Variants in ATG14 observed in about 807,000 individuals in gnomAD.
ATG14 encodes the protein beclin 1-associated autophagy-related key regulator.
Under a neutral mutation model 60.4 loss-of-function variants are expected in ATG14, and 35 were observed. That is an observed-to-expected ratio of 0.58 (90% CI 0.44 to 0.77). The LOEUF is 0.77. Ranked by LOEUF, ATG14 falls within the 30% of genes least tolerant of loss-of-function variation. ATG14 has a pLI of 0.00. For synonymous variants in ATG14, 234 were observed against 228.8 expected (o/e 1.02, Z -0.21); for missense variants, 647 against 626.3 (o/e 1.03, Z -0.35).
Position 55,377,940 on chromosome 14 carries a change from C to T in ATG14, c.1087-36G>A, listed in dbSNP as rs550659701. On this transcript the variant is annotated intron_variant, in intron 8 of 9. Transcript: ENST00000247178. ...TTAAAGAATTGGTTAATATTTTCAA[C>T]TATTTAACAAAGTAAAAATTAGTTC... 87 of 1,592,982 alleles carry T rather than the reference C, an allele frequency of 5.5e-5. 1 individual carries two copies. Among genetic ancestry groups the T allele is most frequent in the South Asian group, 5.1e-4 (45 of 87,958 alleles).
intron 1 of ATG14, among the ~76,000 whole-genome samples, chr14:55,403,375 G>C (rs979131205): frequency 7.9e-5 from 12 of 152,078 alleles, no homozygotes; most frequent in African/African-American, 2.7e-4. Context: ...GGATAAGGCA[G>C]TTCTAACTAC....
Position 55,369,255 on chromosome 14 carries a change from C to T in ATG14, c.*364G>A, listed in dbSNP as rs1039179307. ...CTTAAAGTGTCAGGAACAGTCTCAG[C>T]ACCGCAAGGACCAGCACACTGACCC... On this transcript the variant is annotated 3_prime_UTR_variant, in exon 10 of 10. Coordinates refer to ENST00000247178, the MANE Select transcript of ATG14 (RefSeq NM_014924.5). 1 of 168,994 alleles carries T rather than the reference C, an allele frequency of 5.9e-6. No individual in the cohort carries two copies. The highest frequency in any genetic ancestry group is 1.3e-5 in the Non-Finnish European group (1 of 79,838). The allele number at this position is 168,994 out of a possible 1,614,324, so 10.5% of individuals were successfully genotyped here.
At chr14:55,383,298 C>A (rs112246340) in intron 5 of ATG14, among the ~76,000 whole-genome samples, 8,847 of 152,202 alleles carry the variant, frequency 0.058, 326 homozygotes, top group South Asian at 0.09. Flanking sequence ...TGCCTGTAAT[C>A]CCAGCACTTT....
intron 5 of ATG14, among the ~76,000 whole-genome samples, chr14:55,383,155 C>T (rs1024127100): frequency 2.0e-5 from 3 of 152,152 alleles, no homozygotes; most frequent in Admixed American, 6.5e-5. Context: ...GCCTTACGCA[C>T]GCGTCCCATG....
intron 7 of ATG14, among the ~76,000 whole-genome samples, chr14:55,380,204 C>T (rs759177446): frequency 4.6e-5 from 7 of 151,986 alleles, no homozygotes; most frequent in East Asian, 1.9e-4. Context: ...GCAGAGATTG[C>T]GCCACTGCAC....
intron 1 of ATG14, among the ~76,000 whole-genome samples, chr14:55,407,648 T>C (rs1227242490): frequency 6.6e-6 from 1 of 152,230 alleles, no homozygotes; most frequent in Non-Finnish European, 1.5e-5. Context: ...GCTGCTGGGC[T>C]GGTGATCTGA....
intron 1 of ATG14, among the ~76,000 whole-genome samples, chr14:55,407,089 G>C (rs548964283): frequency 1.7e-3 from 254 of 151,978 alleles, no homozygotes; most frequent in African/African-American, 5.8e-3. Flanking sequence ...AGCTTCCCGA[G>C]TAGCTGGGTT....
intron 4 of ATG14, among the ~76,000 whole-genome samples, chr14:55,386,626 G>A (rs1885130101): frequency 6.6e-6 from 1 of 152,180 alleles, no homozygotes; most frequent in African/African-American, 2.4e-5. Context: ...CAACCAGCAG[G>A]GTGGGTGGGA....
chr14:55,390,788 A>C, intron 4 of ATG14, 123 bp downstream of exon 4: 1 of 677,358 alleles, frequency 1.5e-6, no homozygotes, highest in Non-Finnish European at 2.5e-6. Context: ...GCGAGTAGTA[A>C]AATTCTCCAA....
chr14:55,380,081 C>T (rs1414677522), intron 7 of ATG14, among the ~76,000 whole-genome samples: 1 of 152,074 alleles, frequency 6.6e-6, no homozygotes, highest in Non-Finnish European at 1.5e-5. Flanking sequence ...ACCCCCCTCA[C>T]TCCTAGAAAT....
At chr14:55,396,130 T>C (rs1885310629) in intron 2 of ATG14, 148 bp from the exon 3 acceptor site, 1 of 548,758 alleles carries the variant, frequency 1.8e-6, no homozygotes, top group South Asian at 3.7e-5. Context: ...GTTTTCCAAA[T>C]TCCCTGTTCT....
Position 55,371,265 on chromosome 14 carries a change from C to CA in ATG14, c.1173-1341dup, listed in dbSNP as rs143773084. 9.4e-3 allele frequency among the ~76,000 whole-genome samples: 1,430 copies of CA among 152,328 alleles called. 31 individuals carry two copies. Among genetic ancestry groups the CA allele is most frequent in the African/African-American group, 0.033 (1,380 of 41,564 alleles). On this transcript the variant is annotated intron_variant, in intron 9 of 9. Coordinates refer to ENST00000247178, the MANE Select transcript of ATG14 (RefSeq NM_014924.5). ...TTTCAGCCTATGGTCCCAAATTCTC[C>CA]ACAGCCTTCACAATGATGAATGGCT...
chr14:55,373,616 C>T (rs1486087492), intron 9 of ATG14, among the ~76,000 whole-genome samples: 6 of 152,078 alleles, frequency 3.9e-5, no homozygotes, highest in Admixed American at 3.9e-4. Flanking sequence ...CCCGCCACCA[C>T]GCCCAGATAA....
intron 4 of ATG14, among the ~76,000 whole-genome samples, chr14:55,388,918 G>A (rs1270067576): frequency 1.3e-5 from 2 of 152,086 alleles, no homozygotes; most frequent in African/African-American, 4.8e-5. Flanking sequence ...GATGAGAGGA[G>A]GACAGAAATA....
At chr14:55,400,610 T>A (rs1885381547) in intron 1 of ATG14, among the ~76,000 whole-genome samples, 1 of 152,104 alleles carries the variant, frequency 6.6e-6, no homozygotes, top group Non-Finnish European at 1.5e-5. Flanking sequence ...TTCCTACAAA[T>A]AAAATAAACT....
intron 3 of ATG14, among the ~76,000 whole-genome samples, chr14:55,393,548 A>AT (rs776111828): frequency 0.054 from 7,781 of 142,844 alleles, 689 homozygotes; most frequent in African/African-American, 0.18. Flanking sequence ...ATCTTTTCAG[A>AT]TTTTTTTTTT....
At chr14:55,386,724 G>C (rs963329988) in intron 4 of ATG14, among the ~76,000 whole-genome samples, 1 of 152,172 alleles carries the variant, frequency 6.6e-6, no homozygotes, top group Non-Finnish European at 1.5e-5. Context: ...ACCACGAGGA[G>C]ACATACACTC....
chr14:55,388,716 C>T (rs571076347), intron 4 of ATG14, among the ~76,000 whole-genome samples: 5 of 152,092 alleles, frequency 3.3e-5, no homozygotes, highest in Non-Finnish European at 4.4e-5. Flanking sequence ...AGCATGAGTC[C>T]GAGCATAGTT....
Position 55,411,769 on chromosome 14 carries a change from C to A in ATG14, c.54G>T (p.Gly18=), listed in dbSNP as rs367717693. ...GARALEAPGC[G]PRPLARDLVD... ...CCAGGTCCCGGGCGAGCGGCCGGGGCCCGCAGCCAGGAGCCTCCAGCGCCC... is the reference window on the plus strand; with the variant it reads ...CCAGGTCCCGGGCGAGCGGCCGGGGACCGCAGCCAGGAGCCTCCAGCGCCC... The change falls in exon 1 of 10, where the codon GGG becomes GGT. Residue 18 remains glycine, a synonymous_variant. Transcript: ENST00000247178. 2.6e-5 allele frequency: 42 copies of A among 1,605,878 alleles called. No homozygotes were observed. The African/African-American group carries it at 4.9e-4, about 19-fold the overall frequency.
Sources: allele counts gnomAD v4.1 joint callset (sites outside exome capture counted in the v4.1 genomes callset), GRCh38; gene constraint gnomAD v4.1.1; transcripts MANE v1.5; gene names NCBI Gene and HGNC (gene_info 2026-07-23, HGNC 2026-07-21).